CHRDL2: variants seen among roughly 807,000 people sequenced by gnomAD.
CHRDL2 encodes chordin like 2.
Under a neutral mutation model 54.3 loss-of-function variants are expected in CHRDL2, and 41 were observed. The ratio of observed to expected loss-of-function variants is 0.76; its 90% confidence interval spans 0.59 to 0.98. The LOEUF (loss-of-function observed/expected upper bound fraction) is 0.98, where lower values mean the gene tolerates loss of function less well. Among genes scored for constraint, CHRDL2 ranks in the 50% least tolerant of loss-of-function variants. CHRDL2 has a pLI of 0.00. For synonymous variants in CHRDL2, 220 were observed against 224.3 expected (o/e 0.98, Z 0.17); for missense variants, 518 against 562.4 (o/e 0.92, Z 0.80).
intron 9 of CHRDL2, among the ~76,000 whole-genome samples, chr11:74,702,046 G>T (rs2033831864): frequency 6.6e-6 from 1 of 152,050 alleles, no homozygotes. Flanking sequence ...TTGAGTCCAG[G>T]AGTTCCAGAC....
intron 2 of CHRDL2, 22 bp from the exon 3 acceptor site, chr11:74,713,501 G>T (rs1427158464): frequency 1.3e-6 from 2 of 1,599,882 alleles, no homozygotes; most frequent in East Asian, 2.2e-5. Flanking sequence ...ACAAGGGTCA[G>T]CCCTGGTTCA....
At chr11:74,713,610 C>G (rs1269406514) in intron 2 of CHRDL2, 131 bp from the exon 3 acceptor site, 8 of 687,660 alleles carry the variant, frequency 1.2e-5, no homozygotes, top group Non-Finnish European at 2.0e-5. Context: ...GGACTGAAAA[C>G]AATTAAGTGT....
At chr11:74,718,387 A>G (rs1342245091) in intron 2 of CHRDL2, among the ~76,000 whole-genome samples, 2 of 152,092 alleles carry the variant, frequency 1.3e-5, no homozygotes, top group African/African-American at 2.4e-5. Flanking sequence ...AGGGAATGGG[A>G]GATAAGGTCA....
intron 1 of CHRDL2, among the ~76,000 whole-genome samples, chr11:74,728,298 T>A (rs2034601161): frequency 6.6e-6 from 1 of 152,166 alleles, no homozygotes; most frequent in South Asian, 2.1e-4. Flanking sequence ...GCACCTAAGA[T>A]ATCACCAGAT....
chr11:74,708,433 G>T, intron 4 of CHRDL2, 38 bp from the exon 5 acceptor site: 1 of 1,452,518 alleles, frequency 6.9e-7, no homozygotes, highest in Non-Finnish European at 9.3e-7. Flanking sequence ...AATGAGCTCT[G>T]ATAAGGGCTA....
intron 1 of CHRDL2, chr11:74,719,327 C>T (rs1409666229): frequency 6.3e-6 from 1 of 157,900 alleles, no homozygotes; most frequent in African/African-American, 2.4e-5. Flanking sequence ...TAGTACATCA[C>T]CTCACCCTTC....
At chr11:74,700,637 A>ATTTTTT (rs1478150277) in intron 9 of CHRDL2, among the ~76,000 whole-genome samples, 5 of 139,564 alleles carry the variant, frequency 3.6e-5, no homozygotes, top group African/African-American at 1.3e-4. Context: ...TATTATTATT[A>ATTTTTT]TTATTATTTT....
In CHRDL2 at chr11:74,704,589, G is replaced by A. The variant is rs149225310; in HGVS notation, c.648C>T (p.Pro216=). 344 of 1,594,982 alleles carry A rather than the reference G, an allele frequency of 2.2e-4. No individual in the cohort carries two copies. The highest frequency in any genetic ancestry group is 2.8e-4 in the Non-Finnish European group (324 of 1,171,798). ...GRKRGPGTPA[P]TGLSAPLSFI... ...AGCTCAGAGGGGCGCTGAGGCCAGT[G>A]GGGGCTGGGGTGCCCGGGCCTCTCT... The change falls in exon 7 of 11, where the codon CCC becomes CCT. Residue 216 remains proline, a synonymous_variant. Transcript: ENST00000376332.
At position 74,731,196 on chromosome 11, in the gene CHRDL2, G is replaced by C; in HGVS notation, c.-308C>G. On this transcript the variant is annotated 5_prime_UTR_variant, in exon 1 of 11. Coordinates refer to ENST00000376332, the MANE Select transcript of CHRDL2 (RefSeq NM_001278473.3). The surrounding 1 kb of genome is among the most constrained non-coding windows in gnomAD (Gnocchi z 4.4). Reference sequence around the variant, plus strand: ...AAGGGGGAAGGTGAGAGGGAGAGGAGGAGAAAGCAGGGAGAGGACCGGCGT... The same window carrying C: ...AAGGGGGAAGGTGAGAGGGAGAGGACGAGAAAGCAGGGAGAGGACCGGCGT... The C allele has an allele frequency of 3.3e-6, 1 of 299,724 alleles. No homozygotes were observed. The allele number at this position is 299,724 out of a possible 1,614,324, so 18.6% of individuals were successfully genotyped here. A position where few individuals can be genotyped will look rare whatever the true frequency, so the allele number is the denominator to read the frequency against.
chr11:74,715,391 G>T (rs1037949224), intron 2 of CHRDL2, among the ~76,000 whole-genome samples: 2 of 152,168 alleles, frequency 1.3e-5, no homozygotes, highest in Admixed American at 1.3e-4. Context: ...ATCACTTGAG[G>T]TCAGGAGTTT....
chr11:74,715,835 G>A (rs937664458), intron 2 of CHRDL2, among the ~76,000 whole-genome samples: 20 of 151,438 alleles, frequency 1.3e-4, no homozygotes, highest in African/African-American at 7.3e-5. Flanking sequence ...AAAATTAGCC[G>A]GGCGTGGTGG....
intron 1 of CHRDL2, 155 bp from the exon 2 acceptor site, chr11:74,718,987 G>T: frequency 1.7e-6 from 1 of 597,966 alleles, no homozygotes; most frequent in Non-Finnish European, 3.0e-6. Context: ...TCCTAGGCAA[G>T]GGGCCAGAAG....
At chr11:74,708,194 G>T in intron 5 of CHRDL2, 108 bp downstream of exon 5, 1 of 714,136 alleles carries the variant, frequency 1.4e-6, no homozygotes, top group Non-Finnish European at 2.1e-6. Flanking sequence ...AGAGCCGTCT[G>T]CTACATGCTG....
At chr11:74,700,311 G>A (rs183389744) in intron 9 of CHRDL2, among the ~76,000 whole-genome samples, 189 of 152,290 alleles carry the variant, frequency 1.2e-3, no homozygotes, top group African/African-American at 4.4e-3. Context: ...AGCGTTTGAG[G>A]CTCTCACTGT....
At chr11:74,707,314 T>C (rs2034042134) in intron 5 of CHRDL2, among the ~76,000 whole-genome samples, 1 of 152,218 alleles carries the variant, frequency 6.6e-6, no homozygotes, top group African/African-American at 2.4e-5. Context: ...CCTAGTCCAG[T>C]GCTCCTTCCA....
chr11:74,710,015 G>C (rs916159998), intron 4 of CHRDL2, among the ~76,000 whole-genome samples: 5 of 152,136 alleles, frequency 3.3e-5, no homozygotes, highest in Non-Finnish European at 7.3e-5. Flanking sequence ...AGGAGATCGA[G>C]ACCATCCTGG....
chr11:74,706,369 C>A, intron 6 of CHRDL2, 118 bp downstream of exon 6: 1 of 995,920 alleles, frequency 1.0e-6, no homozygotes, highest in Non-Finnish European at 1.6e-6. Context: ...GTAGCCAACC[C>A]AGGGGACAAA....
At position 74,711,035 on chromosome 11, in the gene CHRDL2, A is replaced by G. The variant is rs1006681436; in HGVS notation, c.290-44T>C. The G allele has an allele frequency of 8.2e-6, 13 of 1,577,950 alleles. No individual in the cohort carries two copies. The South Asian group carries it at 1.2e-4, about 14-fold the overall frequency. ...AGGAGGAAGAAGAAAATGAGGTTTC[A>G]TGTGAATCTTTGCTGAAATTAACAA... On this transcript the variant is annotated intron_variant, in intron 3 of 10. Transcript: ENST00000376332.
At chr11:74,727,606 T>C (rs1024201481) in intron 1 of CHRDL2, among the ~76,000 whole-genome samples, 1 of 152,014 alleles carries the variant, frequency 6.6e-6, no homozygotes, top group African/African-American at 2.4e-5. Flanking sequence ...GGTCTTGCTA[T>C]GTTTCTCAGG....
Sources: allele counts gnomAD v4.1 joint callset (sites outside exome capture counted in the v4.1 genomes callset), GRCh38; gene constraint gnomAD v4.1.1; non-coding constraint Gnocchi (gnomAD v3.1); transcripts MANE v1.5; gene names NCBI Gene and HGNC (gene_info 2026-07-23, HGNC 2026-07-21).